The following GNG7 variants were observed in gnomAD, a reference collection of about 807,000 sequenced individuals.
GNG7 encodes the protein guanine nucleotide-binding protein G(I)/G(S)/G(O) subunit gamma-7.
Under a neutral mutation model 4.0 loss-of-function variants are expected in GNG7, and 1 was observed. The ratio of observed to expected loss-of-function variants is 0.25; its 90% confidence interval spans 0.09 to 1.18. The LOEUF (loss-of-function observed/expected upper bound fraction) is 1.18. Ranked by LOEUF, GNG7 falls within the 50% of genes most tolerant of loss-of-function variation. The pLI is 0.50. For missense variants in GNG7, 86 were observed against 91.9 expected (o/e 0.94, Z 0.26); for synonymous variants, 34 against 36.9 (o/e 0.92, Z 0.29).
chr19:2,592,127 T>C (rs892811956), intron 2 of GNG7, among the ~76,000 whole-genome samples: 2 of 152,206 alleles, frequency 1.3e-5, no homozygotes, highest in Admixed American at 6.6e-5. Flanking sequence ...AAGTGATGTA[T>C]ACCATGATGT....
intron 2 of GNG7, chr19:2,642,450 C>T (rs1177180202): frequency 6.1e-6 from 2 of 327,980 alleles, no homozygotes; most frequent in Non-Finnish European, 1.2e-5. Flanking sequence ...ACTGCAGCCT[C>T]GACCTCCGGG....
At chr19:2,693,122 C>T (rs141032225) in intron 1 of GNG7, among the ~76,000 whole-genome samples, 119 of 151,582 alleles carry the variant, frequency 7.9e-4, no homozygotes, top group African/African-American at 2.8e-3. Context: ...GAGACTCCAT[C>T]TCTACAAAAA....
chr19:2,568,130 TACACACATATACACATGC>T (rs1346636142), intron 2 of GNG7, among the ~76,000 whole-genome samples: 1 of 136,224 alleles, frequency 7.3e-6, no homozygotes, highest in Non-Finnish European at 1.6e-5. Flanking sequence ...CATATAGACA[TACACACATATACACATGC>T]ACACACATAC....
At chr19:2,650,709 C>G (rs1982789295) in intron 1 of GNG7, among the ~76,000 whole-genome samples, 1 of 152,208 alleles carries the variant, frequency 6.6e-6, no homozygotes, top group Admixed American at 6.5e-5. Flanking sequence ...TGTCCTCGGG[C>G]CTTGAGCCGC....
At chr19:2,657,906 T>C (rs933134939) in intron 1 of GNG7, among the ~76,000 whole-genome samples, 1 of 151,806 alleles carries the variant, frequency 6.6e-6, no homozygotes, top group Non-Finnish European at 1.5e-5. Context: ...GTCTCCTCTC[T>C]CTCTCTCTCT....
At chr19:2,592,749 G>GGGAGA (rs1448062738) in intron 2 of GNG7, among the ~76,000 whole-genome samples, 1 of 140,116 alleles carries the variant, frequency 7.1e-6, no homozygotes, top group East Asian at 2.1e-4. Context: ...GGAAGGGGAG[G>GGGAGA]GGAGGGGAGG....
intron 2 of GNG7, among the ~76,000 whole-genome samples, chr19:2,571,112 G>T (rs1045042242): frequency 2.0e-5 from 3 of 148,216 alleles, no homozygotes; most frequent in African/African-American, 7.5e-5. Flanking sequence ...GAGTTGTCCA[G>T]CTTTAACAAA....
chr19:2,657,122 C>T (rs1343903503), intron 1 of GNG7, among the ~76,000 whole-genome samples: 1 of 150,862 alleles, frequency 6.6e-6, no homozygotes, highest in Non-Finnish European at 1.5e-5. Flanking sequence ...TTTCTTGAGC[C>T]CAAGAGTTCG....
chr19:2,649,867 C>G (rs903436653), intron 1 of GNG7, among the ~76,000 whole-genome samples: 5 of 152,120 alleles, frequency 3.3e-5, no homozygotes, highest in African/African-American at 4.8e-5. Context: ...CATCAGCCCC[C>G]GATCCCCAGC....
intron 2 of GNG7, among the ~76,000 whole-genome samples, chr19:2,573,741 G>A (rs1000389024): frequency 1.1e-4 from 17 of 152,178 alleles, no homozygotes; most frequent in African/African-American, 4.1e-4. Flanking sequence ...TACTCGGGAG[G>A]CTGAGGCAGG....
chr19:2,544,476 C>G (rs1979061457), intron 3 of GNG7, among the ~76,000 whole-genome samples: 1 of 152,172 alleles, frequency 6.6e-6, no homozygotes, highest in African/African-American at 2.4e-5. Flanking sequence ...CCTCCGCCTC[C>G]CGGGTTCAGG....
At chr19:2,549,354 G>GC in intron 3 of GNG7, among the ~76,000 whole-genome samples, 1 of 151,196 alleles carries the variant, frequency 6.6e-6, no homozygotes, top group East Asian at 1.9e-4. Context: ...GTGCAGTGGC[G>GC]GATCTCGGCT....
intron 4 of GNG7, among the ~76,000 whole-genome samples, chr19:2,518,149 C>T (rs1252237253): frequency 1.3e-5 from 2 of 152,172 alleles, no homozygotes; most frequent in African/African-American, 2.4e-5. Context: ...CCAAGATCGT[C>T]GCCGTTGAGG....
intron 2 of GNG7, among the ~76,000 whole-genome samples, chr19:2,627,818 G>C (rs1568267196): frequency 6.6e-6 from 1 of 152,192 alleles, no homozygotes; most frequent in African/African-American, 2.4e-5. Flanking sequence ...TGGTGTCACT[G>C]GTCCTGGTCG....
intron 3 of GNG7, among the ~76,000 whole-genome samples, chr19:2,525,159 A>C (rs1978351864): frequency 6.6e-6 from 1 of 151,970 alleles, no homozygotes; most frequent in Admixed American, 6.6e-5. Context: ...GGTGCCGGGC[A>C]CCCCGACCTG....
intron 3 of GNG7, among the ~76,000 whole-genome samples, chr19:2,553,393 T>C (rs1335934431): frequency 1.4e-5 from 2 of 138,166 alleles, no homozygotes; most frequent in South Asian, 2.2e-4. Flanking sequence ...CATATATATA[T>C]ATACATATAT....
intron 2 of GNG7, among the ~76,000 whole-genome samples, chr19:2,558,854 AATGGCGCG>A (rs915364892): frequency 2.0e-5 from 3 of 150,556 alleles, no homozygotes; most frequent in African/African-American, 7.4e-5. Flanking sequence ...GATGGAGTGC[AATGGCGCG>A]ATCTCTGCTC....
At chr19:2,590,155 TA>T (rs1226212855) in intron 2 of GNG7, among the ~76,000 whole-genome samples, 1 of 152,092 alleles carries the variant, frequency 6.6e-6, no homozygotes, top group Non-Finnish European at 1.5e-5. Flanking sequence ...TGTTAGGAAA[TA>T]AACTATAGGT....
chr19:2,684,313 T>C (rs890219644), intron 1 of GNG7, among the ~76,000 whole-genome samples: 5 of 151,788 alleles, frequency 3.3e-5, no homozygotes, highest in Non-Finnish European at 7.4e-5. Flanking sequence ...ATTTTTGTAT[T>C]TTTAGTAGAG....
Sources: gnomAD v4.1 joint callset for allele counts (sites outside exome capture counted in the v4.1 genomes callset) on GRCh38, gnomAD v4.1.1 for gene constraint, MANE v1.5 for transcripts, NCBI Gene and HGNC (gene_info 2026-07-23, HGNC 2026-07-21) for gene names.